The following COMMD1 variants were observed in gnomAD, a reference collection of about 807,000 sequenced individuals.
COMMD1 encodes COMM domain-containing protein 1.
Under a neutral mutation model 17.2 loss-of-function variants are expected in COMMD1, and 10 were observed. The ratio of observed to expected loss-of-function variants is 0.58; its 90% CI spans 0.36 to 0.99. The LOEUF (loss-of-function observed/expected upper bound fraction) is 0.99. COMMD1 is among the 50% of genes least tolerant of loss of function. The probability of loss-of-function intolerance (pLI) is 0.01; values close to 1 mark genes in which losing one functional copy is unlikely to be tolerated. For synonymous variants in COMMD1, 97 were observed against 91.6 expected, an observed-to-expected ratio of 1.06 and a Z score of -0.34; for missense variants, 270 against 231.8, an observed-to-expected ratio of 1.17 and a Z score of -1.07.
intron 1 of COMMD1, among the ~76,000 whole-genome samples, chr2:61,934,041 A>G (rs1186310948): frequency 1.3e-5 from 2 of 152,184 alleles, no homozygotes; most frequent in Non-Finnish European, 2.9e-5. Flanking sequence ...CTGGGATTAC[A>G]GGTATGAGCC....
intron 2 of COMMD1, chr2:62,118,858 T>G (rs1243298459): frequency 6.6e-6 from 1 of 152,238 alleles, no homozygotes; most frequent in Non-Finnish European, 1.5e-5. Context: ...CCAGAAATTA[T>G]TATTTGTACC....
intron 2 of COMMD1, among the ~76,000 whole-genome samples, chr2:62,062,524 G>A (rs950621899): frequency 6.6e-6 from 1 of 152,026 alleles, no homozygotes; most frequent in African/African-American, 2.4e-5. Flanking sequence ...CACCATGCCC[G>A]GCCTAGATAC....
At chr2:62,062,195 G>A (rs182673581) in intron 2 of COMMD1, among the ~76,000 whole-genome samples, 63 of 151,588 alleles carry the variant, frequency 4.2e-4, no homozygotes, top group African/African-American at 1.3e-3. Flanking sequence ...AGGATACTGA[G>A]GTGGTTGTTT....
At chr2:62,060,183 T>C (rs893050924) in intron 2 of COMMD1, among the ~76,000 whole-genome samples, 1 of 152,022 alleles carries the variant, frequency 6.6e-6, no homozygotes, top group African/African-American at 2.4e-5. Context: ...ACAGAAACAT[T>C]AGCTGGTTGT....
intron 1 of COMMD1, among the ~76,000 whole-genome samples, chr2:61,964,247 G>A (rs1296390022): frequency 6.6e-6 from 1 of 151,964 alleles, no homozygotes; most frequent in Non-Finnish European, 1.5e-5. Context: ...TTGAGACAGG[G>A]TCTTGCTCTG....
In COMMD1 at chr2:62,000,778, C is replaced by T. The variant is rs1390825018; in HGVS notation, c.258C>T (p.Ile86=). 1 of 1,614,082 alleles carries T rather than the reference C, an allele frequency of 6.2e-7. No individual in the cohort carries two copies. Among genetic ancestry groups the T allele is most frequent in the South Asian group, 1.1e-5 (1 of 91,074 alleles). ...CTCAAACCAAAAAGCAAGGTGGGAT[C>T]ACATCTGACCAAGCTGCTGTCATTT... ...LTAQTKKQGG[I]TSDQAAVISK... Residue 86 remains isoleucine, a synonymous_variant, in exon 2 of 3, where the codon ATC becomes ATT. Coordinates refer to ENST00000311832, the MANE Select transcript of COMMD1 (RefSeq NM_152516.4).
intron 2 of COMMD1, among the ~76,000 whole-genome samples, chr2:62,044,930 A>C (rs532664790): frequency 2.6e-5 from 4 of 152,152 alleles, no homozygotes; most frequent in Non-Finnish European, 5.9e-5. Context: ...TCTGTGTTAC[A>C]GACATTGGGG....
chr2:61,951,192 A>G (rs1381919845), intron 1 of COMMD1, among the ~76,000 whole-genome samples: 3 of 152,170 alleles, frequency 2.0e-5, no homozygotes, highest in African/African-American at 7.2e-5. Flanking sequence ...GGCTGGGCAC[A>G]GTGGCTTATA....
chr2:61,943,398 C>G (rs969322399), intron 1 of COMMD1, among the ~76,000 whole-genome samples: 1 of 152,176 alleles, frequency 6.6e-6, no homozygotes, highest in Non-Finnish European at 1.5e-5. Context: ...AGGAACTGAG[C>G]TGTGCCTTAA....
chr2:62,050,480 C>T (rs992833152), intron 2 of COMMD1, among the ~76,000 whole-genome samples: 2 of 152,166 alleles, frequency 1.3e-5, no homozygotes, highest in African/African-American at 4.8e-5. Flanking sequence ...CATTATACAA[C>T]TTTTCATTTG....
At chr2:61,933,535 T>G (rs1386827147) in intron 1 of COMMD1, among the ~76,000 whole-genome samples, 1 of 151,956 alleles carries the variant, frequency 6.6e-6, no homozygotes, top group Non-Finnish European at 1.5e-5. Flanking sequence ...TGAGCCATGA[T>G]GGGCCTGGTG....
intron 2 of COMMD1, among the ~76,000 whole-genome samples, chr2:62,080,373 G>A (rs1267054259): frequency 6.6e-6 from 1 of 152,180 alleles, no homozygotes; most frequent in Non-Finnish European, 1.5e-5. Context: ...CAGTAGAGTT[G>A]GCTGAAAATA....
intron 2 of COMMD1, among the ~76,000 whole-genome samples, chr2:62,032,505 C>T (rs1669934462): frequency 6.6e-6 from 1 of 152,202 alleles, no homozygotes; most frequent in African/African-American, 2.4e-5. Context: ...CACCGCACTC[C>T]AGCATGGATG....
At chr2:62,031,306 G>A (rs1669902777) in intron 2 of COMMD1, among the ~76,000 whole-genome samples, 1 of 152,160 alleles carries the variant, frequency 6.6e-6, no homozygotes, top group Non-Finnish European at 1.5e-5. Context: ...TGTTTATTGA[G>A]TACTTTTTCT....
At chr2:61,908,991 C>T (rs1363712748) in intron 1 of COMMD1, among the ~76,000 whole-genome samples, 1 of 152,016 alleles carries the variant, frequency 6.6e-6, no homozygotes, top group African/African-American at 2.4e-5. Flanking sequence ...AGTAATGGTG[C>T]AATCTCGGCT....
intron 1 of COMMD1, among the ~76,000 whole-genome samples, chr2:61,957,087 C>CGCGTGT (rs71410906): frequency 2.0e-5 from 3 of 146,902 alleles, no homozygotes; most frequent in East Asian, 2.0e-4. Flanking sequence ...AAGATGGATG[C>CGCGTGT]GTGTGTGTGT....
At chr2:62,063,868 A>AATATATATATATATATAT (rs55740628) in intron 2 of COMMD1, among the ~76,000 whole-genome samples, 1,712 of 80,916 alleles carry the variant, frequency 0.021, 86 homozygotes, top group Middle Eastern at 0.039. Flanking sequence ...GTCTCTACAA[A>AATATATATATATATATAT]ATATATATAT....
chr2:61,890,863 C>G (rs1198501068), intron 1 of COMMD1, among the ~76,000 whole-genome samples: 1 of 149,208 alleles, frequency 6.7e-6, no homozygotes, highest in Non-Finnish European at 1.5e-5. Flanking sequence ...GATATTAGCA[C>G]TAGGAAATGA....
chr2:62,082,210 G>T (rs1001793701), intron 2 of COMMD1, among the ~76,000 whole-genome samples: 134 of 152,282 alleles, frequency 8.8e-4, no homozygotes, highest in African/African-American at 3.1e-3. Context: ...TTATGTCTCT[G>T]TGATGCTGAA....
Sources: allele counts gnomAD v4.1 joint callset (sites outside exome capture counted in the v4.1 genomes callset), GRCh38; gene constraint gnomAD v4.1.1; transcripts MANE v1.5; gene names NCBI Gene and HGNC (gene_info 2026-07-23, HGNC 2026-07-21).